Variants in MAP2K6 observed in about 807,000 individuals in gnomAD.
MAP2K6 encodes dual specificity mitogen-activated protein kinase kinase 6.
MAP2K6 carries 16 observed loss-of-function variants against 53.7 expected under a neutral mutation model. That is an observed-to-expected ratio of 0.30 (90% CI 0.20 to 0.45). The LOEUF is 0.45. Among genes scored for constraint, MAP2K6 ranks in the 20% least tolerant of loss-of-function variants. The pLI is 1.00. For missense variants in MAP2K6, 204 were observed against 411.9 expected (o/e 0.50, Z 4.37); for synonymous variants, 132 against 143.1 (o/e 0.92, Z 0.55).
chr17:69,525,110 A>G, intron 9 of MAP2K6, 132 bp downstream of exon 9: 1 of 597,862 alleles, frequency 1.7e-6, no homozygotes, highest in Non-Finnish European at 3.0e-6. Context: ...CTGGTAGGAG[A>G]TTTTGAGTAA....
At chr17:69,416,428 T>C (rs1404011550) in intron 1 of MAP2K6, among the ~76,000 whole-genome samples, 1 of 152,196 alleles carries the variant, frequency 6.6e-6, no homozygotes, top group Non-Finnish European at 1.5e-5. Context: ...AATCTCCTTA[T>C]TGAGTAGAGA....
chr17:69,468,578 C>T (rs956898179), intron 1 of MAP2K6, among the ~76,000 whole-genome samples: 9 of 152,126 alleles, frequency 5.9e-5, no homozygotes, highest in East Asian at 1.9e-4. Context: ...GTATCCTTTG[C>T]GTAGGGTTGA....
At chr17:69,416,160 T>G (rs982682941) in intron 1 of MAP2K6, among the ~76,000 whole-genome samples, 1 of 152,164 alleles carries the variant, frequency 6.6e-6, no homozygotes. Context: ...CATGGTGAAA[T>G]TAAAGGGTCT....
chr17:69,508,047 T>TA (rs1339846511), intron 2 of MAP2K6, among the ~76,000 whole-genome samples: 3 of 64,406 alleles, frequency 4.7e-5, no homozygotes, highest in African/African-American at 2.2e-4. Flanking sequence ...TGTAGTTTTT[T>TA]TTTTTTTTTT....
At chr17:69,439,805 T>G (rs1405851038) in intron 1 of MAP2K6, among the ~76,000 whole-genome samples, 1 of 152,222 alleles carries the variant, frequency 6.6e-6, no homozygotes, top group Non-Finnish European at 1.5e-5. Context: ...CCAGCTCGTC[T>G]TCTAGCTAAA....
intron 1 of MAP2K6, among the ~76,000 whole-genome samples, chr17:69,445,308 A>C (rs909103501): frequency 2.6e-5 from 4 of 152,222 alleles, no homozygotes; most frequent in African/African-American, 9.6e-5. Flanking sequence ...AGTGGAGAGA[A>C]AACTCTTGGG....
intron 2 of MAP2K6, among the ~76,000 whole-genome samples, chr17:69,514,497 GT>G (rs1910033944): frequency 6.6e-6 from 1 of 152,148 alleles, no homozygotes; most frequent in African/African-American, 2.4e-5. Context: ...GGATTTTGAG[GT>G]GAGAGAAGGC....
At chr17:69,456,535 T>TC (rs572345120) in intron 1 of MAP2K6, among the ~76,000 whole-genome samples, 107 of 152,320 alleles carry the variant, frequency 7.0e-4, no homozygotes, top group African/African-American at 2.5e-3. Context: ...ACTGTGACGT[T>TC]CATAAGGTGG....
chr17:69,505,859 G>C lies in MAP2K6; in HGVS notation c.83+13G>C. On this transcript the variant is annotated intron_variant, in intron 2 of 11. Coordinates refer to ENST00000590474, the MANE Select transcript of MAP2K6 (RefSeq NM_002758.4). ...AGACCAGTTCCACGTAAGTTGACAA[G>C]ACCATCATCTGAATCCAAATCCTTG... 6.2e-7 allele frequency: 1 copy of C among 1,610,786 alleles called. No individual in the cohort carries two copies. Among genetic ancestry groups the C allele is most frequent in the South Asian group, 1.1e-5 (1 of 90,930 alleles).
chr17:69,511,699 GGTAAGA>G (rs1321883565), intron 2 of MAP2K6, among the ~76,000 whole-genome samples: 1 of 152,188 alleles, frequency 6.6e-6, no homozygotes, highest in East Asian at 1.9e-4. Context: ...TAGCTTCATG[GGTAAGA>G]GTTCAGGGTC....
chr17:69,526,482 C>T, intron 9 of MAP2K6, 88 bp from the exon 10 acceptor site: 2 of 1,437,452 alleles, frequency 1.4e-6, no homozygotes, highest in East Asian at 2.3e-5. Context: ...CCTTGTGTTT[C>T]CTGCTGTCTA....
chr17:69,423,817 C>G (rs1906175074), intron 1 of MAP2K6, among the ~76,000 whole-genome samples: 1 of 152,074 alleles, frequency 6.6e-6, no homozygotes, highest in African/African-American at 2.4e-5. Context: ...TTAATTCTTC[C>G]CTGAGACTCT....
chr17:69,438,224 A>G (rs547750984), intron 1 of MAP2K6, among the ~76,000 whole-genome samples: 1 of 152,342 alleles, frequency 6.6e-6, no homozygotes, highest in East Asian at 1.9e-4. Flanking sequence ...CATTGCATTG[A>G]GTAGATGGAC....
Position 69,547,608 on chromosome 17 carries a change from A to C in MAP2K6, c.*5855A>C, listed in dbSNP as rs1911928078. The stretch of plus-strand genomic sequence containing the variant: ...GCTGCTGTTGAGGCAGATTAGGAAG[A>C]TGGACATAGGAAACTGGATTCAGAA... On this transcript the variant is annotated 3_prime_UTR_variant, in exon 12 of 12. Coordinates refer to ENST00000590474, the MANE Select transcript of MAP2K6 (RefSeq NM_002758.4). 6.6e-6 allele frequency: 1 copy of C among 152,290 alleles called. No homozygotes were observed. Among genetic ancestry groups the C allele is most frequent in the Non-Finnish European group, 1.5e-5 (1 of 68,062 alleles). The allele number at this position is 152,290 out of a possible 1,614,324, so 9.4% of individuals were successfully genotyped here. A position where few individuals can be genotyped will look rare whatever the true frequency, so the allele number is the denominator to read the frequency against.
chr17:69,541,948 T>C lies in MAP2K6; in HGVS notation c.*195T>C, dbSNP rs1911659193. 1.2e-5 allele frequency: 5 copies of C among 406,962 alleles called. No individual in the cohort carries two copies. Among genetic ancestry groups the C allele is most frequent in the Non-Finnish European group, 1.4e-5 (3 of 215,138 alleles). The allele number at this position is 406,962 out of a possible 1,614,324, so 25.2% of individuals were successfully genotyped here. A position where few individuals can be genotyped will look rare whatever the true frequency, so the allele number is the denominator to read the frequency against. ...AATCTATAGTATAGAATGAACTGTC[T>C]AGATGGATGAATTATGATAAAGGCT... is the stretch of plus-strand genomic sequence containing the variant. On this transcript the variant is annotated 3_prime_UTR_variant, in exon 12 of 12. Transcript: ENST00000590474.
chr17:69,502,550 T>C, intron 1 of MAP2K6: 4 of 985,480 alleles, frequency 4.1e-6, no homozygotes, highest in Non-Finnish European at 4.8e-6. Context: ...TTTTTTTTCT[T>C]GTTGTTCTGA....
intron 1 of MAP2K6, among the ~76,000 whole-genome samples, chr17:69,478,007 G>A (rs566906466): frequency 2.0e-5 from 3 of 152,312 alleles, no homozygotes; most frequent in African/African-American, 7.2e-5. Context: ...ACAGGTAAAG[G>A]TGTTAAAGGT....
intron 1 of MAP2K6, among the ~76,000 whole-genome samples, chr17:69,436,587 A>G (rs961664730): frequency 4.6e-5 from 7 of 152,170 alleles, no homozygotes; most frequent in African/African-American, 1.7e-4. Context: ...GCCTTATGCA[A>G]ACTTATAAAG....
chr17:69,506,369 G>A (rs970721203), intron 2 of MAP2K6, among the ~76,000 whole-genome samples: 2 of 151,200 alleles, frequency 1.3e-5, no homozygotes, highest in South Asian at 2.1e-4. Flanking sequence ...GAAGGACATC[G>A]TGTAAATGAC....
Sources: allele counts gnomAD v4.1 joint callset (sites outside exome capture counted in the v4.1 genomes callset), GRCh38; gene constraint gnomAD v4.1.1; transcripts MANE v1.5; gene names NCBI Gene and HGNC (gene_info 2026-07-23, HGNC 2026-07-21).